The following AKAP12 variants were observed in gnomAD, a reference collection of about 807,000 sequenced individuals.
AKAP12 encodes the protein A-kinase anchoring protein 12.
A neutral mutation model predicts 79.9 loss-of-function variants in AKAP12; 32 were observed. The ratio of observed to expected loss-of-function variants is 0.40; its 90% CI spans 0.30 to 0.54. The LOEUF (loss-of-function observed/expected upper bound fraction) is 0.54, where lower values mean the gene tolerates loss of function less well. Among genes scored for constraint, AKAP12 ranks in the 20% least tolerant of loss-of-function variants. AKAP12 has a pLI of 0.48. For synonymous variants in AKAP12, 808 were observed against 857.0 expected (o/e 0.94, Z 1.00); for missense variants, 2,074 against 2,177.0 (o/e 0.95, Z 0.94).
chr6:151,336,012 T>C (rs922192382), intron 3 of AKAP12, among the ~76,000 whole-genome samples: 20 of 152,244 alleles, frequency 1.3e-4, no homozygotes, highest in African/African-American at 4.3e-4. Context: ...TATGAGAATA[T>C]GCAGCATTTT....
intron 3 of AKAP12, among the ~76,000 whole-genome samples, chr6:151,315,115 G>A (rs1033748830): frequency 1.3e-5 from 2 of 152,024 alleles, no homozygotes; most frequent in African/African-American, 4.8e-5. Context: ...TCCACAAGGA[G>A]TGGCTCTCTG....
At chr6:151,289,259 A>G (rs1164094487) in intron 2 of AKAP12, among the ~76,000 whole-genome samples, 1 of 152,274 alleles carries the variant, frequency 6.6e-6, no homozygotes, top group African/African-American at 2.4e-5. Context: ...ATTCAAACTG[A>G]TACTCTCCAC....
chr6:151,298,153 A>AAAAAG (rs1193858153), intron 2 of AKAP12, among the ~76,000 whole-genome samples: 1 of 152,156 alleles, frequency 6.6e-6, no homozygotes, highest in Non-Finnish European at 1.5e-5. Context: ...CTATAGTTTA[A>AAAAAG]AAAAGAAAAG....
intron 2 of AKAP12, among the ~76,000 whole-genome samples, chr6:151,281,455 GA>G (rs1776406146): frequency 6.6e-6 from 1 of 152,130 alleles, no homozygotes; most frequent in Admixed American, 6.5e-5. Flanking sequence ...TTCAGGTTAT[GA>G]GCAGATTTAG....
At chr6:151,353,850 G>A (rs565235153) in intron 4 of AKAP12, 98 bp downstream of exon 4, 3 of 749,954 alleles carry the variant, frequency 4.0e-6, no homozygotes, top group South Asian at 2.1e-5. Context: ...TAATGCCTTC[G>A]TGTAGAACCT....
chr6:151,266,881 A>G (rs1377638503), intron 2 of AKAP12, among the ~76,000 whole-genome samples: 1 of 152,058 alleles, frequency 6.6e-6, no homozygotes, highest in Non-Finnish European at 1.5e-5. Flanking sequence ...AAACGCATGT[A>G]TGTGGCTGAA....
intron 2 of AKAP12, among the ~76,000 whole-genome samples, chr6:151,244,527 GAAACAAAC>G (rs10646561): frequency 1.3e-5 from 2 of 151,122 alleles, no homozygotes; most frequent in Admixed American, 6.6e-5. Flanking sequence ...CTGTCTCAAA[GAAACAAAC>G]AAACAAACAA....
At chr6:151,324,940 T>A (rs967127840) in intron 3 of AKAP12, 2 of 985,338 alleles carry the variant, frequency 2.0e-6, no homozygotes, top group African/African-American at 3.5e-5. Context: ...GTTAGAGATA[T>A]GATAGTGTCT....
At position 151,352,830 on chromosome 6, in the gene AKAP12, A is replaced by G. The variant is rs1582904506; in HGVS notation, c.4439A>G (p.Gln1480Arg). ...EDAVPTGPDCQAKSTPVIVSA... is the reference protein window; with the variant it reads ...EDAVPTGPDCRAKSTPVIVSA... ...GCTGTGCCCACAGGGCCCGACTGTC[A>G]GGCAAAATCGACACCAGTGATAGTA... Residue 1480 changes from glutamine (Q) to arginine (R), a missense_variant, in exon 4 of 5, where the codon CAG (glutamine) becomes CGG (arginine). Physicochemically the swap from Gln to Arg is conservative, Grantham distance 43. Transcript: ENST00000402676. 3.1e-6 allele frequency: 5 copies of G among 1,614,232 alleles called. No homozygotes were observed. The highest frequency in any genetic ancestry group is 2.2e-5 in the East Asian group (1 of 44,884).
Position 151,283,085 on chromosome 6 carries a change from C to T in AKAP12, c.163-22662C>T, listed in dbSNP as rs1181738197. On this transcript the variant is annotated intron_variant, in intron 2 of 4. Transcript: ENST00000402676. ...AGGAGATTTTAGAAAAGTGGAGGCC[C>T]TTGTATAAGGAGGCTGGGCTCCATT... Among the ~76,000 whole-genome samples the T allele has an allele frequency of 3.3e-5, 5 of 152,170 alleles. No individual in the cohort carries two copies. In the East Asian group the frequency reaches 9.7e-4, roughly 29 times the overall value.
Position 151,357,567 on chromosome 6 carries a change from C to T in AKAP12, c.*1853C>T, listed in dbSNP as rs1778471713. 1 of 152,114 alleles carries T rather than the reference C, an allele frequency of 6.6e-6. No individual in the cohort carries two copies. Among genetic ancestry groups the T allele is most frequent in the South Asian group, 2.1e-4 (1 of 4,830 alleles). 9.4% of individuals were successfully genotyped at this position (152,114 alleles called of 1,614,324 possible). The stretch of plus-strand genomic sequence containing the variant: ...TACATAATTGGCCATATTAGTAAAA[C>T]ACCTCATGATAGCAGTGTATATATA... On this transcript the variant is annotated 3_prime_UTR_variant, in exon 5 of 5. Coordinates refer to ENST00000402676, the MANE Select transcript of AKAP12 (RefSeq NM_005100.4).
Position 151,262,573 on chromosome 6 carries a change from C to T in AKAP12, c.162+21849C>T, listed in dbSNP as rs893363522. 3.3e-5 allele frequency among the ~76,000 whole-genome samples: 5 copies of T among 151,478 alleles called. No individual in the cohort carries two copies. In the East Asian group the frequency reaches 9.7e-4, roughly 29 times the overall value. On this transcript the variant is annotated intron_variant, in intron 2 of 4. Transcript: ENST00000402676. The stretch of plus-strand genomic sequence containing the variant: ...AATTCTGTCTGCATCAGAAACATGG[C>T]TAAATGACTTCAACTTCAAGTTCAA...
At chr6:151,246,156 C>T (rs1001237754) in intron 2 of AKAP12, among the ~76,000 whole-genome samples, 4 of 152,226 alleles carry the variant, frequency 2.6e-5, no homozygotes, top group Non-Finnish European at 4.4e-5. Flanking sequence ...CGGTGGCTCA[C>T]GCCTGTAATC....
rs1178045673 is a variant in AKAP12, at chr6:151,352,446, A to C, written c.4055A>C (p.His1352Pro). 6.2e-7 allele frequency: 1 copy of C among 1,614,176 alleles called. No individual in the cohort carries two copies. Among genetic ancestry groups the C allele is most frequent in the South Asian group, 1.1e-5 (1 of 91,084 alleles). ...GAGAAAACAGAAGCAGAGCCAACCC[A>C]TGTGAATGAAGAGAAGCTTGAGCAC... ...EREKTEAEPT[H>P]VNEEKLEHET... Residue 1352 changes from histidine (H) to proline (P), a missense_variant, in exon 4 of 5, where the codon CAT (histidine) becomes CCT (proline). Physicochemically the swap from His to Pro is moderately conservative, Grantham distance 77. Coordinates refer to ENST00000402676, the MANE Select transcript of AKAP12 (RefSeq NM_005100.4).
chr6:151,350,796 A>C lies in AKAP12; in HGVS notation c.2405A>C (p.Glu802Ala). Residue 802 changes from glutamate to alanine, a missense_variant, in exon 4 of 5, where the codon GAA (glutamate) becomes GCA (alanine). Physicochemically the swap from Glu to Ala is moderately radical, Grantham distance 107. Transcript: ENST00000402676. This position sits in a 1 kb window ranked among gnomAD's most constrained non-coding sequence, Gnocchi z 4.8. ...STPDTEPGKE[E>A]SWVSIKKFIP... ...CCAGACACTGAACCCGGTAAAGAAGAATCCTGGGTCTCAATCAAGAAGTTT... is the reference window on the plus strand; with the variant it reads ...CCAGACACTGAACCCGGTAAAGAAGCATCCTGGGTCTCAATCAAGAAGTTT... 6.2e-7 allele frequency: 1 copy of C among 1,614,046 alleles called. No individual in the cohort carries two copies. The highest frequency in any genetic ancestry group is 8.5e-7 in the Non-Finnish European group (1 of 1,179,954).
At chr6:151,272,237 TAGG>T (rs1770892468) in intron 2 of AKAP12, among the ~76,000 whole-genome samples, 1 of 150,898 alleles carries the variant, frequency 6.6e-6, no homozygotes, top group Non-Finnish European at 1.5e-5. Context: ...CCTAGCTACT[TAGG>T]AGGACTAGGT....
rs1778198996 is a variant in AKAP12, at chr6:151,349,071, C to T, written c.680C>T (p.Ser227Phe). 1 of 1,612,186 alleles carries T rather than the reference C, an allele frequency of 6.2e-7. No homozygotes were observed. Among genetic ancestry groups the T allele is most frequent in the Non-Finnish European group, 8.5e-7 (1 of 1,179,578 alleles). The change falls in exon 4 of 5, where the codon TCC becomes TTC. Residue 227 changes from serine (S) to phenylalanine (F), a missense_variant. Transcript: ENST00000402676. ...DPSLGAGEAASKESEPKQSTE... is the reference protein window; with the variant it reads ...DPSLGAGEAAFKESEPKQSTE... ...AGCCTTGGGGCTGGAGAAGCAGCAT[C>T]CAAAGAAAGCGAACCCAAACAATCT... is the stretch of plus-strand genomic sequence containing the variant.
Position 151,349,304 on chromosome 6 carries a change from G to T in AKAP12, c.913G>T (p.Ala305Ser), listed in dbSNP as rs773208658. The T allele has an allele frequency of 4.3e-6, 7 of 1,613,906 alleles. No homozygotes were observed. In the Admixed American group the frequency reaches 1.2e-4, roughly 27 times the overall value. ...CAAAAAATTCTTCACTCAAGGTTGG[G>T]CCGGCTGGCGCAAAAAGACCAGTTT... ...TFKKFFTQGW[A>S]GWRKKTSFRK... Residue 305 changes from alanine to serine, a missense_variant, in exon 4 of 5, where the codon GCC (alanine) becomes TCC (serine). Around this residue, in one of 3 missense-constraint regions of AKAP12, gnomAD observed 1,428 missense variants for 1,451.0 expected, o/e 0.98. Coordinates refer to ENST00000402676, the MANE Select transcript of AKAP12 (RefSeq NM_005100.4).
At chr6:151,308,832 T>C (rs1401890170) in intron 3 of AKAP12, among the ~76,000 whole-genome samples, 1 of 152,184 alleles carries the variant, frequency 6.6e-6, no homozygotes, top group Non-Finnish European at 1.5e-5. Context: ...TTAAACAGCA[T>C]TTTTCCGTGC....
Sources: gnomAD v4.1 joint callset for allele counts (sites outside exome capture counted in the v4.1 genomes callset) on GRCh38, gnomAD v4.1.1 for gene constraint, gnomAD v4.1.1 regional missense constraint, Gnocchi (gnomAD v3.1) non-coding constraint, MANE v1.5 for transcripts, NCBI Gene and HGNC (gene_info 2026-07-23, HGNC 2026-07-21) for gene names.